Variants in MYLK4 observed in about 807,000 individuals in gnomAD.
MYLK4 encodes myosin light chain kinase family member 4, also known as caMLCK like.
In MYLK4, 46 loss-of-function variants were observed where a neutral mutation model predicts 48.1. The observed-to-expected ratio is 0.96, with a 90% CI of 0.75 to 1.22. MYLK4 has a LOEUF of 1.22. MYLK4 is among the 50% of genes most tolerant of loss of function. The probability of loss-of-function intolerance (pLI) is 0.00; values close to 1 mark genes in which losing one functional copy is unlikely to be tolerated. For missense variants in MYLK4, 451 were observed against 486.1 expected, an observed-to-expected ratio of 0.93 and a Z score of 0.68; for synonymous variants, 170 against 180.8, an observed-to-expected ratio of 0.94 and a Z score of 0.48.
At chr6:2,700,532 C>T (rs186360506) in intron 2 of MYLK4, among the ~76,000 whole-genome samples, 98 of 152,288 alleles carry the variant, frequency 6.4e-4, no homozygotes, top group African/African-American at 2.1e-3. Flanking sequence ...CTTCCTCCCC[C>T]CGATAAGCAA....
chr6:2,761,547 A>T, the MYLK4 span, among the ~76,000 whole-genome samples: 1 of 152,198 alleles, frequency 6.6e-6, no homozygotes, highest in Non-Finnish European at 1.5e-5. Context: ...TACAGGACCT[A>T]CTGGGTGCCA....
chr6:2,759,709 C>T, the MYLK4 span, among the ~76,000 whole-genome samples: 1 of 152,228 alleles, frequency 6.6e-6, no homozygotes, highest in South Asian at 2.1e-4. Context: ...AAAAAATAAA[C>T]CTTTCCCCTC....
At chr6:2,766,719 C>G in the MYLK4 span, among the ~76,000 whole-genome samples, 1 of 152,198 alleles carries the variant, frequency 6.6e-6, no homozygotes, top group Non-Finnish European at 1.5e-5. Context: ...GATGTGGACT[C>G]TTAGATTTGA....
chr6:2,668,817 C>T (rs1652348769), intron 12 of MYLK4, among the ~76,000 whole-genome samples: 1 of 152,020 alleles, frequency 6.6e-6, no homozygotes, highest in South Asian at 2.1e-4. Flanking sequence ...TTCCTGTAAT[C>T]TCAGTGCTTT....
Position 2,685,222 on chromosome 6 carries a change from C to T in MYLK4, c.545+74G>A, listed in dbSNP as rs971127046. 35 of 1,090,280 alleles carry T rather than the reference C, an allele frequency of 3.2e-5. No homozygotes were observed. Among genetic ancestry groups the T allele is most frequent in the East Asian group, 4.8e-5 (2 of 41,852 alleles). The allele number at this position is 1,090,280 out of a possible 1,614,324, so 67.5% of individuals were successfully genotyped here. A position where few individuals can be genotyped will look rare whatever the true frequency, so the allele number is the denominator to read the frequency against. Reference sequence around the variant, plus strand: ...TGGTTCTGGTCCCGCTACAGCAGGACGGAGCTACTGAGGCACGGTCACGGT... The same window carrying T: ...TGGTTCTGGTCCCGCTACAGCAGGATGGAGCTACTGAGGCACGGTCACGGT... On this transcript the variant is annotated intron_variant, in intron 6 of 12. Coordinates refer to ENST00000274643, the MANE Select transcript of MYLK4 (RefSeq NM_001012418.5). The surrounding 1 kb of genome is among the most constrained non-coding windows in gnomAD (Gnocchi z 4.5).
At chr6:2,763,446 G>A in the MYLK4 span, among the ~76,000 whole-genome samples, 8 of 152,232 alleles carry the variant, frequency 5.3e-5, no homozygotes, top group South Asian at 2.1e-4. Context: ...GGGAGGCTCA[G>A]GCATGGCAGG....
chr6:2,688,322 G>A (rs1218589576), intron 4 of MYLK4, among the ~76,000 whole-genome samples: 3 of 152,152 alleles, frequency 2.0e-5, no homozygotes, highest in Admixed American at 6.6e-5. Flanking sequence ...GTTTCCCAAA[G>A]TGCTGGGATT....
At chr6:2,744,425 G>A (rs112253484) in intron 2 of MYLK4, among the ~76,000 whole-genome samples, 7 of 152,314 alleles carry the variant, frequency 4.6e-5, no homozygotes, top group African/African-American at 1.7e-4. Context: ...GCCCTTACAG[G>A]GTGAGGAGCA....
rs578051809 is a variant in MYLK4 at position 2,672,368 on chromosome 6, T to C, written c.1120-1020A>G. Among the ~76,000 whole-genome samples, 6 of 152,234 alleles carry C rather than the reference T, an allele frequency of 3.9e-5. No individual in the cohort carries two copies. The highest frequency in any genetic ancestry group is 5.9e-5 in the Non-Finnish European group (4 of 68,024). On this transcript the variant is annotated intron_variant, in intron 11 of 12. Transcript: ENST00000274643. The surrounding 1 kb of genome is among the most constrained non-coding windows in gnomAD (Gnocchi z 4.3). Reference sequence around the variant, plus strand: ...AAGAAAGGCTGCAAACCATCGCATGTCACCTTGAGCATAATACAGAGGGCA... The same window carrying C: ...AAGAAAGGCTGCAAACCATCGCATGCCACCTTGAGCATAATACAGAGGGCA...
rs144417295 is a variant in MYLK4 at position 2,677,883 on chromosome 6, C to T, written c.1040+337G>A. 5.3e-5 allele frequency among the ~76,000 whole-genome samples: 8 copies of T among 152,254 alleles called. No homozygotes were observed. In the East Asian group the frequency reaches 7.7e-4, roughly 15 times the overall value. ...AATGGTAGTTAAAGATTCAGCTACA[C>T]GGAACCATATACAGCTTAGTAGAGG... On this transcript the variant is annotated intron_variant, in intron 10 of 12. Transcript: ENST00000274643.
intron 2 of MYLK4, among the ~76,000 whole-genome samples, chr6:2,738,374 C>A (rs1393783092): frequency 2.0e-5 from 3 of 152,168 alleles, no homozygotes; most frequent in Non-Finnish European, 1.5e-5. Flanking sequence ...AGCATGCTGG[C>A]AAACTGCATT....
chr6:2,740,034 C>G lies in MYLK4; in HGVS notation c.159+9102G>C, dbSNP rs77818373. ...GAACAGGATGTTTAACTGTGAAGCACGAAGTTGGGTATAGCAGGACAATCC... is the reference window on the plus strand; with the variant it reads ...GAACAGGATGTTTAACTGTGAAGCAGGAAGTTGGGTATAGCAGGACAATCC... On this transcript the variant is annotated intron_variant, in intron 2 of 12. Coordinates refer to ENST00000274643, the MANE Select transcript of MYLK4 (RefSeq NM_001012418.5). Among the ~76,000 whole-genome samples, 901 of 152,248 alleles carry G rather than the reference C, an allele frequency of 5.9e-3. 10 individuals carry two copies. Among genetic ancestry groups the G allele is most frequent in the South Asian group, 0.044 (212 of 4,824 alleles).
the MYLK4 span, chr6:2,765,971 C>A: frequency 7.1e-7 from 1 of 1,410,394 alleles, no homozygotes; most frequent in Non-Finnish European, 9.3e-7. Flanking sequence ...GCCGCCCACA[C>A]CCAGCGGCGC....
rs554083304 is a variant in MYLK4, at chr6:2,701,150, G to T, written c.160-8291C>A. On this transcript the variant is annotated intron_variant, in intron 2 of 12. Transcript: ENST00000274643. ...CAAGTCCAAACCTTGGAATGTTTTC[G>T]CATGAAGTTTACAGTGTTTCTTCAT... Among the ~76,000 whole-genome samples the T allele has an allele frequency of 5.4e-4, 82 of 152,122 alleles. 1 individual carries two copies. The highest frequency in any genetic ancestry group is 2.0e-3 in the African/African-American group (81 of 41,478).
At chr6:2,708,043 T>C (rs1183785407) in intron 2 of MYLK4, among the ~76,000 whole-genome samples, 3 of 152,148 alleles carry the variant, frequency 2.0e-5, no homozygotes, top group Admixed American at 6.5e-5. Context: ...TTATTAAAAC[T>C]CAAAAATAGA....
chr6:2,687,975 CGAA>C (rs1199830752), intron 4 of MYLK4, among the ~76,000 whole-genome samples: 3 of 152,242 alleles, frequency 2.0e-5, no homozygotes, highest in Middle Eastern at 3.4e-3. Flanking sequence ...AAGAAGTAAA[CGAA>C]GAAGAACACC....
the MYLK4 span, among the ~76,000 whole-genome samples, chr6:2,757,792 T>G: frequency 1.3e-5 from 2 of 152,338 alleles, no homozygotes; most frequent in African/African-American, 4.8e-5. Flanking sequence ...CTATACCAAA[T>G]ATGGTTTGTG....
intron 2 of MYLK4, among the ~76,000 whole-genome samples, chr6:2,712,366 T>C (rs1008160814): frequency 2.0e-5 from 3 of 152,204 alleles, no homozygotes; most frequent in Admixed American, 6.5e-5. Context: ...ATAGGCCACA[T>C]ATGGGTAGGC....
At chr6:2,763,327 A>G in the MYLK4 span, among the ~76,000 whole-genome samples, 1 of 152,256 alleles carries the variant, frequency 6.6e-6, no homozygotes, top group Admixed American at 6.5e-5. Context: ...AGTCCCACGT[A>G]ATGAGCCTGC....
Sources: allele counts gnomAD v4.1 joint callset (sites outside exome capture counted in the v4.1 genomes callset), GRCh38; gene constraint gnomAD v4.1.1; non-coding constraint Gnocchi (gnomAD v3.1); transcripts MANE v1.5; gene names NCBI Gene and HGNC (gene_info 2026-07-23, HGNC 2026-07-21).